Variants in CDH12 observed in about 807,000 individuals in gnomAD.
CDH12 encodes the protein cadherin-12.
In CDH12, 41 loss-of-function variants were observed where a neutral mutation model predicts 74.1. That is an observed-to-expected ratio of 0.55 (90% CI 0.43 to 0.72). The LOEUF (loss-of-function observed/expected upper bound fraction) is 0.72. Among genes scored for constraint, CDH12 ranks in the 30% least tolerant of loss-of-function variants. The probability of loss-of-function intolerance (pLI) is 0.00; values close to 1 mark genes in which losing one functional copy is unlikely to be tolerated. For synonymous variants in CDH12, 399 were observed against 355.0 expected (o/e 1.12, Z -1.39); for missense variants, 945 against 977.2 (o/e 0.97, Z 0.44).
At chr5:22,760,465 G>T (rs1043569511) in intron 1 of CDH12, among the ~76,000 whole-genome samples, 1 of 152,006 alleles carries the variant, frequency 6.6e-6, no homozygotes, top group Admixed American at 6.6e-5. Flanking sequence ...TGGATCAAAA[G>T]GTCAGGAGTT....
chr5:22,711,375 G>A (rs1452626678), intron 1 of CDH12, among the ~76,000 whole-genome samples: 1 of 152,088 alleles, frequency 6.6e-6, no homozygotes. Context: ...TAGTTCTAGA[G>A]ATTGCTTACC....
chr5:21,783,450 A>G lies in CDH12; in HGVS notation c.1301T>C (p.Ile434Thr), dbSNP rs200459087. The change falls in exon 11 of 15, where the codon ATA becomes ACA. Residue 434 changes from isoleucine (I) to threonine (T), a missense_variant. Transcript: ENST00000382254. ...GGCGATGGTTCCTTCATTTCCATCTATTGTAAAGTAGCTGTCCCCATCACT... is the reference window on the plus strand; with the variant it reads ...GGCGATGGTTCCTTCATTTCCATCTGTTGTAAAGTAGCTGTCCCCATCACT... Reference protein sequence around the residue: ...WKSDGDSYFTIDGNEGTIATN... With the variant: ...WKSDGDSYFTTDGNEGTIATN... 14 of 1,606,772 alleles carry G rather than the reference A, an allele frequency of 8.7e-6. No homozygotes were observed. The East Asian group carries it at 2.7e-4, about 31-fold the overall frequency.
At chr5:22,662,304 A>G (rs968107528) in intron 1 of CDH12, among the ~76,000 whole-genome samples, 1 of 152,210 alleles carries the variant, frequency 6.6e-6, no homozygotes, top group African/African-American at 2.4e-5. Context: ...TATGGCATAT[A>G]TATAACAAAG....
In CDH12 at chr5:21,995,736, T is replaced by G. The variant is rs986242467; in HGVS notation, c.232-20351A>C. 5.3e-5 allele frequency among the ~76,000 whole-genome samples: 8 copies of G among 151,664 alleles called. No homozygotes were observed. The Admixed American group carries it at 5.3e-4, about 10-fold the overall frequency. ...ACTATTTGGCTACTCCAAGCTAACC[T>G]CTCTCCTATCCTTTTCTGAGGGAAA... On this transcript the variant is annotated intron_variant, in intron 5 of 14. Coordinates refer to ENST00000382254, the MANE Select transcript of CDH12 (RefSeq NM_004061.5).
At chr5:22,553,997 A>C (rs907035101) in intron 1 of CDH12, among the ~76,000 whole-genome samples, 7 of 152,218 alleles carry the variant, frequency 4.6e-5, no homozygotes, top group African/African-American at 1.7e-4. Context: ...CCCTGAATTG[A>C]AAAGTGGGTC....
At chr5:22,346,383 C>G (rs1740114227) in intron 3 of CDH12, among the ~76,000 whole-genome samples, 1 of 151,990 alleles carries the variant, frequency 6.6e-6, no homozygotes, top group Non-Finnish European at 1.5e-5. Flanking sequence ...ATTATTTTAT[C>G]CCCAGATTAC....
intron 2 of CDH12, among the ~76,000 whole-genome samples, chr5:22,429,107 T>C (rs931520719): frequency 5.7e-5 from 8 of 139,850 alleles, no homozygotes; most frequent in African/African-American, 9.2e-5. Context: ...TTATTCTATT[T>C]TATTTTATTT....
At chr5:22,014,940 T>C (rs930382959) in intron 5 of CDH12, among the ~76,000 whole-genome samples, 3 of 152,126 alleles carry the variant, frequency 2.0e-5, no homozygotes, top group Non-Finnish European at 4.4e-5. Context: ...GTTATAAATA[T>C]GTATGCATAA....
At position 21,817,142 on chromosome 5, in the gene CDH12, C is replaced by T; in HGVS notation, c.815-10G>A. ...TTCAAGTGGAAGATGCCTGATAAGA[C>T]ATATAAAATTTGAATTGACAGTGGG... On this transcript the variant is annotated splice_polypyrimidine_tract_variant and intron_variant, in intron 8 of 14. Coordinates refer to ENST00000382254, the MANE Select transcript of CDH12 (RefSeq NM_004061.5). The T allele has an allele frequency of 1.3e-6, 2 of 1,586,320 alleles. No homozygotes were observed. The highest frequency in any genetic ancestry group is 2.3e-5 in the South Asian group (2 of 87,566).
intron 4 of CDH12, among the ~76,000 whole-genome samples, chr5:22,085,634 A>T (rs2150232399): frequency 6.6e-6 from 1 of 152,244 alleles, no homozygotes; most frequent in South Asian, 2.1e-4. Context: ...CTTTAATTTG[A>T]AATAGTAATC....
In CDH12 at chr5:22,753,329, C is replaced by T. The variant is rs1428425956; in HGVS notation, c.-523+99729G>A. ...GCGGGCGCCTGTAGTCCCAGCTACT[C>T]GGGAGGCTGAGGCAGGAGAATGGCG... On this transcript the variant is annotated intron_variant, in intron 1 of 14. Transcript: ENST00000382254. Among the ~76,000 whole-genome samples, 5 of 150,644 alleles carry T rather than the reference C, an allele frequency of 3.3e-5. No individual in the cohort carries two copies. In the East Asian group the frequency reaches 9.9e-4, roughly 30 times the overall value.
intron 9 of CDH12, among the ~76,000 whole-genome samples, chr5:21,811,519 C>T (rs1747743285): frequency 1.3e-5 from 2 of 151,648 alleles, no homozygotes; most frequent in African/African-American, 4.8e-5. Context: ...GCAAAAAAAA[C>T]ACTAGTGACT....
intron 2 of CDH12, among the ~76,000 whole-genome samples, chr5:22,491,792 T>C (rs1353734539): frequency 6.6e-6 from 1 of 152,156 alleles, no homozygotes; most frequent in Non-Finnish European, 1.5e-5. Context: ...TTTTAGAGTT[T>C]AGAATTCCAA....
At chr5:22,818,979 G>A (rs1160444198) in intron 1 of CDH12, among the ~76,000 whole-genome samples, 1 of 152,052 alleles carries the variant, frequency 6.6e-6, no homozygotes, top group East Asian at 1.9e-4. Flanking sequence ...CAAGGTAATT[G>A]TTTATCATCT....
At chr5:22,436,989 C>T (rs531892677) in intron 2 of CDH12, among the ~76,000 whole-genome samples, 5 of 152,042 alleles carry the variant, frequency 3.3e-5, no homozygotes, top group African/African-American at 9.6e-5. Context: ...AAAAGTCAGT[C>T]TTTAATTTAA....
intron 1 of CDH12, among the ~76,000 whole-genome samples, chr5:22,775,312 C>T (rs1747034765): frequency 6.6e-6 from 1 of 151,932 alleles, no homozygotes; most frequent in Admixed American, 6.6e-5. Flanking sequence ...TGTGTCATTT[C>T]TGAAATCAAT....
chr5:22,225,651 G>A (rs574435784), intron 3 of CDH12, among the ~76,000 whole-genome samples: 2 of 151,908 alleles, frequency 1.3e-5, no homozygotes, highest in South Asian at 2.1e-4. Flanking sequence ...TGTCTATTTG[G>A]CATGCTTTGG....
At chr5:22,223,142 A>G (rs912893130) in intron 3 of CDH12, among the ~76,000 whole-genome samples, 1 of 151,986 alleles carries the variant, frequency 6.6e-6, no homozygotes, top group African/African-American at 2.4e-5. Context: ...TGTATTTTAG[A>G]AGAGTTAGGG....
intron 1 of CDH12, among the ~76,000 whole-genome samples, chr5:22,518,535 G>A (rs1736901394): frequency 6.6e-6 from 1 of 152,168 alleles, no homozygotes; most frequent in Admixed American, 6.5e-5. Context: ...ATCAAAAAAT[G>A]AGAAAGATTA....
Sources: allele counts gnomAD v4.1 joint callset (sites outside exome capture counted in the v4.1 genomes callset), GRCh38; gene constraint gnomAD v4.1.1; transcripts MANE v1.5; gene names NCBI Gene and HGNC (gene_info 2026-07-23, HGNC 2026-07-21).